FSIP1: variants seen among roughly 807,000 people sequenced by gnomAD.
The protein encoded by FSIP1 is fibrous sheath-interacting protein 1.
FSIP1 carries 65 observed loss-of-function variants against 60.9 expected under a neutral mutation model. That is an observed-to-expected ratio of 1.07 (90% CI 0.87 to 1.31). The LOEUF is 1.31. FSIP1 is among the 40% of genes most tolerant of loss of function. The probability of loss-of-function intolerance (pLI) is 0.00; values close to 1 mark genes in which losing one functional copy is unlikely to be tolerated. For synonymous variants in FSIP1, 209 were observed against 221.2 expected, an observed-to-expected ratio of 0.94 and a Z score of 0.49; for missense variants, 675 against 665.5, an observed-to-expected ratio of 1.01 and a Z score of -0.16.
At chr15:39,708,888 T>C (rs558688658) in intron 10 of FSIP1, among the ~76,000 whole-genome samples, 200 of 152,348 alleles carry the variant, frequency 1.3e-3, no homozygotes, top group African/African-American at 4.5e-3. Flanking sequence ...AAGGCCCCTA[T>C]ATGCCTACTG....
intron 10 of FSIP1, among the ~76,000 whole-genome samples, chr15:39,710,787 T>C (rs762537594): frequency 2.6e-5 from 4 of 152,244 alleles, no homozygotes; most frequent in Non-Finnish European, 4.4e-5. Flanking sequence ...TCTTCATCTA[T>C]AAAATGAGGA....
chr15:39,656,455 A>G (rs1595579810), intron 10 of FSIP1, among the ~76,000 whole-genome samples: 1 of 152,116 alleles, frequency 6.6e-6, no homozygotes, highest in African/African-American at 2.4e-5. Flanking sequence ...AGGTCTTCCA[A>G]CCTCCTTCCT....
In FSIP1 at chr15:39,617,801, T is replaced by A; in HGVS notation, c.1633A>T (p.Ile545Phe). The A allele has an allele frequency of 6.2e-7, 1 of 1,613,808 alleles. No individual in the cohort carries two copies. Residue 545 changes from isoleucine to phenylalanine, a missense_variant, in exon 11 of 12, where the codon ATC (isoleucine) becomes TTC (phenylalanine). Physicochemically the swap from Ile to Phe is conservative, Grantham distance 21 (BLOSUM62 0). Transcript: ENST00000350221. Reference protein sequence around the residue: ...PSFLDDPLYGISVSLSSEDQH... With the variant: ...PSFLDDPLYGFSVSLSSEDQH... ...TCTTCTGATGAAAGGCTCACACTGA[T>A]ACCATACAGTGGATCATCTAAGAAG...
intron 10 of FSIP1, among the ~76,000 whole-genome samples, chr15:39,710,245 G>C (rs1895442804): frequency 6.6e-6 from 1 of 152,040 alleles, no homozygotes; most frequent in Non-Finnish European, 1.5e-5. Context: ...CACTCCAGGA[G>C]GCCAAGGTGG....
intron 5 of FSIP1, among the ~76,000 whole-genome samples, chr15:39,758,015 G>A (rs1358841746): frequency 2.0e-5 from 3 of 151,996 alleles, no homozygotes; most frequent in Non-Finnish European, 1.5e-5. Context: ...TAGCTTTCAA[G>A]CCCCTTGCAG....
intron 10 of FSIP1, among the ~76,000 whole-genome samples, chr15:39,626,192 G>T (rs117603417): frequency 8.5e-5 from 13 of 152,138 alleles, no homozygotes; most frequent in Non-Finnish European, 1.9e-4. Context: ...ATGCCCACAG[G>T]AGTCTCTAGA....
chr15:39,678,412 A>G (rs1894030373), intron 10 of FSIP1, among the ~76,000 whole-genome samples: 1 of 152,172 alleles, frequency 6.6e-6, no homozygotes, highest in Non-Finnish European at 1.5e-5. Context: ...TGGTTTAACC[A>G]CCACAAGAGC....
chr15:39,756,192 G>C (rs16969798), intron 5 of FSIP1, among the ~76,000 whole-genome samples: 1 of 152,082 alleles, frequency 6.6e-6, no homozygotes, highest in African/African-American at 2.4e-5. Flanking sequence ...CATCTTTTGT[G>C]TTTAGCACCT....
chr15:39,621,864 C>T (rs1271018139), intron 10 of FSIP1, among the ~76,000 whole-genome samples: 1 of 152,168 alleles, frequency 6.6e-6, no homozygotes, highest in Non-Finnish European at 1.5e-5. Context: ...CAACACGACC[C>T]ATCTTTCTCA....
rs548306646 is a variant in FSIP1 at position 39,651,420 on chromosome 15, T to TA, written c.1189-33176dup. Among the ~76,000 whole-genome samples the TA allele has an allele frequency of 2.7e-4, 41 of 152,324 alleles. 1 individual carries two copies. The South Asian group carries it at 6.6e-3, about 25-fold the overall frequency. The stretch of plus-strand genomic sequence containing the variant: ...TCCATATTATTCTTTTAACCATCTG[T>TA]AAAAAATAGATAAATATGACATCTG... On this transcript the variant is annotated intron_variant, in intron 10 of 11. Transcript: ENST00000350221.
chr15:39,598,585 G>C (rs560933662), downstream of FSIP1: 1 of 152,276 alleles, frequency 6.6e-6, no homozygotes, highest in East Asian at 1.9e-4. Flanking sequence ...CAGAAAAAGT[G>C]ACTGGAAAGA....
intron 9 of FSIP1, among the ~76,000 whole-genome samples, chr15:39,720,409 GA>G (rs1398900794): frequency 2.6e-5 from 4 of 151,988 alleles, no homozygotes; most frequent in African/African-American, 9.7e-5. Flanking sequence ...TCAAATTAAG[GA>G]GGACCTTTAT....
intron 10 of FSIP1, among the ~76,000 whole-genome samples, chr15:39,677,249 G>A (rs1242471018): frequency 6.6e-6 from 1 of 152,142 alleles, no homozygotes; most frequent in African/African-American, 2.4e-5. Flanking sequence ...GATGAAATCA[G>A]TAGATTTCAA....
chr15:39,675,101 C>T (rs1893885776), intron 10 of FSIP1, among the ~76,000 whole-genome samples: 1 of 151,926 alleles, frequency 6.6e-6, no homozygotes, highest in Non-Finnish European at 1.5e-5. Context: ...TATTTGACCT[C>T]ATTAGTGATC....
intron 7 of FSIP1, 113 bp downstream of exon 7, chr15:39,739,552 A>T: frequency 2.0e-6 from 2 of 979,784 alleles, no homozygotes; most frequent in Non-Finnish European, 3.0e-6. Flanking sequence ...TAATTCAATC[A>T]TTTATACATT....
chr15:39,619,581 G>A (rs931730545), intron 10 of FSIP1, among the ~76,000 whole-genome samples: 6 of 152,214 alleles, frequency 3.9e-5, no homozygotes, highest in Middle Eastern at 3.4e-3. Context: ...TCTACTTTTA[G>A]TCACTAGGCA....
intron 9 of FSIP1, among the ~76,000 whole-genome samples, chr15:39,724,667 G>A (rs901872783): frequency 6.6e-6 from 1 of 152,076 alleles, no homozygotes; most frequent in African/African-American, 2.4e-5. Flanking sequence ...TTATATTTTT[G>A]CCAAAAATAC....
chr15:39,636,398 A>G (rs1466375991), intron 10 of FSIP1, among the ~76,000 whole-genome samples: 1 of 152,056 alleles, frequency 6.6e-6, no homozygotes, highest in African/African-American at 2.4e-5. Flanking sequence ...ATCACCTCCT[A>G]CCTTTGACTT....
chr15:39,739,139 A>C (rs759173528), intron 7 of FSIP1, among the ~76,000 whole-genome samples: 1 of 152,176 alleles, frequency 6.6e-6, no homozygotes, highest in Non-Finnish European at 1.5e-5. Flanking sequence ...GTAAGACCAA[A>C]GATAGGTGCT....
Sources: allele counts gnomAD v4.1 joint callset (sites outside exome capture counted in the v4.1 genomes callset), GRCh38; gene constraint gnomAD v4.1.1; transcripts MANE v1.5; gene names NCBI Gene and HGNC (gene_info 2026-07-23, HGNC 2026-07-21).